MEI1: variants seen among roughly 807,000 people sequenced by gnomAD.
MEI1 encodes the protein meiosis inhibitor protein 1.
Under a neutral mutation model 146.2 loss-of-function variants are expected in MEI1, and 103 were observed. The ratio of observed to expected loss-of-function variants is 0.70; its 90% CI spans 0.60 to 0.83. The LOEUF (loss-of-function observed/expected upper bound fraction) is 0.83, where lower values mean the gene tolerates loss of function less well. Among genes scored for constraint, MEI1 ranks in the 40% least tolerant of loss-of-function variants. The probability of loss-of-function intolerance (pLI) is 0.00; values close to 1 mark genes in which losing one functional copy is unlikely to be tolerated. For missense variants in MEI1, 1,529 were observed against 1,533.0 expected, an observed-to-expected ratio of 1.00 and a Z score of 0.04; for synonymous variants, 652 against 628.2, an observed-to-expected ratio of 1.04 and a Z score of -0.57.
chr22:41,784,998 G>A (rs919798040), intron 26 of MEI1, among the ~76,000 whole-genome samples: 5 of 151,518 alleles, frequency 3.3e-5, no homozygotes, highest in Admixed American at 6.6e-5. Flanking sequence ...GTGCAGTGGC[G>A]CAATCTTGGC....
chr22:41,758,497 T>C lies in MEI1; in HGVS notation c.2084T>C (p.Leu695Pro). ...GAARQRQYCILLLFYLAYIHE... is the reference protein window; with the variant it reads ...GAARQRQYCIPLLFYLAYIHE... ...GCTCGCCAGAGACAGTACTGCATCC[T>C]GCTCCTCTTCTACTTGGCCTACATC... The change falls in exon 18 of 31, where the codon CTG becomes CCG. Residue 695 changes from leucine to proline, a missense_variant. Around this residue, in one of 3 missense-constraint regions of MEI1, gnomAD observed 1,212 missense variants for 1,178.9 expected, o/e 1.03. Transcript: ENST00000401548. 1 of 1,613,650 alleles carries C rather than the reference T, an allele frequency of 6.2e-7. No individual in the cohort carries two copies. Among genetic ancestry groups the C allele is most frequent in the African/African-American group, 1.3e-5 (1 of 75,038 alleles).
At chr22:41,730,351 G>A (rs879109076) in intron 8 of MEI1, among the ~76,000 whole-genome samples, 170 bp from the exon 9 acceptor site, 34 of 152,268 alleles carry the variant, frequency 2.2e-4, no homozygotes, top group Admixed American at 2.0e-3. Flanking sequence ...ATAACCAAGG[G>A]CACTTTCCAG....
chr22:41,770,921 A>C lies in MEI1; in HGVS notation c.2504A>C (p.Gln835Pro), dbSNP rs1240482914. 3 of 1,614,038 alleles carry C rather than the reference A, an allele frequency of 1.9e-6. No homozygotes were observed. The East Asian group carries it at 6.7e-5, about 36-fold the overall frequency. Residue 835 changes from glutamine to proline, a missense_variant, in exon 20 of 31, where the codon CAG becomes CCG. Around this residue, in one of 3 missense-constraint regions of MEI1, gnomAD observed 1,212 missense variants for 1,178.9 expected, o/e 1.03. Transcript: ENST00000401548. ...ALPASLVVLFQLLRSIPSILL... is the reference protein window; with the variant it reads ...ALPASLVVLFPLLRSIPSILL... ...CCTGCCAGCTTAGTAGTCCTGTTCCAGTTGCTCAGAAGCATCCCCAGCATC... is the reference window on the plus strand; with the variant it reads ...CCTGCCAGCTTAGTAGTCCTGTTCCCGTTGCTCAGAAGCATCCCCAGCATC...
intron 5 of MEI1, among the ~76,000 whole-genome samples, chr22:41,716,469 C>G (rs144724345): frequency 6.7e-6 from 1 of 149,200 alleles, no homozygotes; most frequent in Non-Finnish European, 1.5e-5. Context: ...CTCCACCTCC[C>G]GGGTTCAAGC....
chr22:41,781,469 T>TA (rs1602129626), intron 23 of MEI1, 75 bp downstream of exon 23: 5 of 1,321,158 alleles, frequency 3.8e-6, no homozygotes, highest in African/African-American at 1.5e-5. Context: ...TTTTTCATCT[T>TA]AAAAAAACAA....
At chr22:41,713,185 AAAG>A (rs1177558891) in intron 3 of MEI1, among the ~76,000 whole-genome samples, 2 of 152,138 alleles carry the variant, frequency 1.3e-5, no homozygotes, top group Non-Finnish European at 2.9e-5. Context: ...ATAATAAATC[AAAG>A]AAGGCCAGGC....
At chr22:41,715,484 C>T (rs1158349689) in intron 4 of MEI1, among the ~76,000 whole-genome samples, 1 of 151,784 alleles carries the variant, frequency 6.6e-6, no homozygotes, top group Non-Finnish European at 1.5e-5. Context: ...CAAGCTCCGC[C>T]TCCCGGGTTC....
intron 20 of MEI1, 89 bp downstream of exon 20, chr22:41,771,050 A>G (rs767325441): frequency 4.2e-6 from 6 of 1,432,884 alleles, no homozygotes; most frequent in African/African-American, 1.4e-5. Context: ...AGGCACCCAC[A>G]TCTGCTTCAG....
chr22:41,737,063 A>C (rs2147664617), intron 11 of MEI1, among the ~76,000 whole-genome samples: 1 of 152,248 alleles, frequency 6.6e-6, no homozygotes, highest in South Asian at 2.1e-4. Flanking sequence ...CTGTTTCTTG[A>C]ACACATCAAA....
chr22:41,765,375 G>A (rs2074779589), intron 19 of MEI1, among the ~76,000 whole-genome samples: 4 of 152,158 alleles, frequency 2.6e-5, no homozygotes, highest in South Asian at 2.1e-4. Context: ...CAGCTACTGG[G>A]AAGGCTGAGG....
Position 41,799,251 on chromosome 22 carries a change from C to T in MEI1, c.3780-3C>T, listed in dbSNP as rs781051166. On this transcript the variant is annotated splice_region_variant and splice_polypyrimidine_tract_variant and intron_variant, in intron 30 of 30. Transcript: ENST00000401548. ...CTGTTTTCCTCTCATGTTTTGCTGC[C>T]AGCTGCCTGGGAGGGGTGGCTGTAT... is the stretch of plus-strand genomic sequence containing the variant. 2 of 1,613,250 alleles carry T rather than the reference C, an allele frequency of 1.2e-6. No individual in the cohort carries two copies. The highest frequency in any genetic ancestry group is 2.2e-5 in the South Asian group (2 of 91,072).
intron 1 of MEI1, 24 bp from the exon 2 acceptor site, chr22:41,703,307 A>G (rs773442147): frequency 6.2e-7 from 1 of 1,608,576 alleles, no homozygotes; most frequent in East Asian, 2.2e-5. Flanking sequence ...TTGCTATTGA[A>G]TGTTTTTCTT....
Position 41,743,086 on chromosome 22 carries a change from C to G in MEI1, c.1338C>G (p.Asp446Glu). 1 of 1,609,380 alleles carries G rather than the reference C, an allele frequency of 6.2e-7. No individual in the cohort carries two copies. Among genetic ancestry groups the G allele is most frequent in the Non-Finnish European group, 8.5e-7 (1 of 1,176,748 alleles). Residue 446 changes from aspartate (D) to glutamate (E), a missense_variant, in exon 12 of 31, where the codon GAC becomes GAG. Asp to Glu is a conservative substitution (Grantham distance 45). Around this residue, in one of 3 missense-constraint regions of MEI1, gnomAD observed 1,212 missense variants for 1,178.9 expected, o/e 1.03. Transcript: ENST00000401548. Reference sequence around the variant, plus strand: ...TTTGTCTCTCTGGATGCAGGAAGGACCATCAGAGCACTCCACCTGTGCAGT... The same window carrying G: ...TTTGTCTCTCTGGATGCAGGAAGGAGCATCAGAGCACTCCACCTGTGCAGT... ...LKATSAFLRK[D>E]HQSTPPVQYG...
chr22:41,737,288 G>A (rs1288366166), intron 11 of MEI1, among the ~76,000 whole-genome samples: 1 of 151,620 alleles, frequency 6.6e-6, no homozygotes, highest in Admixed American at 6.6e-5. Context: ...CCAGGCTGGA[G>A]TGCAGTGGCG....
In MEI1 at chr22:41,795,945, G is replaced by A. The variant is rs2076343155; in HGVS notation, c.3779+98G>A. The A allele has an allele frequency of 8.7e-6, 14 of 1,612,218 alleles. No homozygotes were observed. In the South Asian group the frequency reaches 1.4e-4, roughly 16 times the overall value. ...GTTTATGCGGTACCGGAGTAGCAGT[G>A]TCCTCTCTCATGAAGAGGTGGGTGA... On this transcript the variant is annotated intron_variant, in intron 30 of 30. Transcript: ENST00000401548. The surrounding 1 kb of genome is among the most constrained non-coding windows in gnomAD (Gnocchi z 4.2).
At chr22:41,755,239 C>G (rs1018040663) in intron 17 of MEI1, among the ~76,000 whole-genome samples, 3 of 152,160 alleles carry the variant, frequency 2.0e-5, no homozygotes, top group Non-Finnish European at 4.4e-5. Flanking sequence ...ATTCATTCAA[C>G]AAATATACCT....
In MEI1 at chr22:41,703,202, G is replaced by C. The variant is rs988058401; in HGVS notation, c.175-129G>C. On this transcript the variant is annotated intron_variant, in intron 1 of 30. Transcript: ENST00000401548. ...TCCTTTTCCAACCTCCCTTGAAGGA[G>C]TATGGATCTCACCGTAGTTTAAATG... 5 of 978,208 alleles carry C rather than the reference G, an allele frequency of 5.1e-6. No homozygotes were observed. The Admixed American group carries it at 6.3e-5, about 12-fold the overall frequency. The allele number at this position is 978,208 out of a possible 1,614,324, so 60.6% of individuals were successfully genotyped here.
chr22:41,703,303 T>A (rs747916240), intron 1 of MEI1, 28 bp from the exon 2 acceptor site: 117 of 1,607,086 alleles, frequency 7.3e-5, no homozygotes, highest in Non-Finnish European at 9.5e-5. Context: ...TTGGTTGCTA[T>A]TGAATGTTTT....
intron 26 of MEI1, among the ~76,000 whole-genome samples, chr22:41,793,203 A>G (rs2076248324): frequency 6.6e-6 from 1 of 151,180 alleles, no homozygotes; most frequent in African/African-American, 2.4e-5. Flanking sequence ...CGCCCAGCTA[A>G]TTTTTTGTAT....
Sources: gnomAD v4.1 joint callset for allele counts (sites outside exome capture counted in the v4.1 genomes callset) on GRCh38, gnomAD v4.1.1 for gene constraint, gnomAD v4.1.1 regional missense constraint, Gnocchi (gnomAD v3.1) non-coding constraint, MANE v1.5 for transcripts, NCBI Gene and HGNC (gene_info 2026-07-23, HGNC 2026-07-21) for gene names.